Variants in SSX2IP observed in about 807,000 individuals in gnomAD.
The protein encoded by SSX2IP is afadin- and alpha-actinin-binding protein.
Under a neutral mutation model 84.9 loss-of-function variants are expected in SSX2IP, and 55 were observed. The ratio of observed to expected loss-of-function variants is 0.65; its 90% CI spans 0.52 to 0.81. SSX2IP has a LOEUF of 0.81. Ranked by LOEUF, SSX2IP falls within the 30% of genes least tolerant of loss-of-function variation. The pLI is 0.00. For missense variants in SSX2IP, 664 were observed against 705.2 expected, an observed-to-expected ratio of 0.94 and a Z score of 0.66; for synonymous variants, 239 against 234.7, an observed-to-expected ratio of 1.02 and a Z score of -0.17.
chr1:84,673,516 G>C (rs139851662), intron 1 of SSX2IP, among the ~76,000 whole-genome samples: 1 of 152,214 alleles, frequency 6.6e-6, no homozygotes, highest in Non-Finnish European at 1.5e-5. Context: ...CTTGTAGGTA[G>C]GAAAGTAGCA....
intron 1 of SSX2IP, among the ~76,000 whole-genome samples, chr1:84,677,067 AT>A (rs1219822985): frequency 6.6e-6 from 1 of 152,136 alleles, no homozygotes; most frequent in Non-Finnish European, 1.5e-5. Flanking sequence ...CTTTGTACAC[AT>A]AAATCTCTAT....
intron 2 of SSX2IP, among the ~76,000 whole-genome samples, 167 bp downstream of exon 2, chr1:84,671,010 G>T (rs1327481781): frequency 1.3e-5 from 2 of 151,922 alleles, no homozygotes; most frequent in African/African-American, 4.8e-5. Flanking sequence ...TTTCCAAAAA[G>T]ATACAAATAC....
intron 1 of SSX2IP, among the ~76,000 whole-genome samples, chr1:84,689,860 A>G (rs562568406): frequency 4.5e-4 from 69 of 152,344 alleles, no homozygotes; most frequent in African/African-American, 1.6e-3. Context: ...TTACTAGACC[A>G]CTATCGGGGT....
Position 84,655,795 on chromosome 1 carries a change from C to T in SSX2IP, c.1389+37G>A, listed in dbSNP as rs556830739. On this transcript the variant is annotated intron_variant, in intron 11 of 13. Coordinates refer to ENST00000342203, the MANE Select transcript of SSX2IP (RefSeq NM_001166293.2). ...GCATTCTACTGAGGCCCACCCACCC[C>T]CAGTATTTTCAAAAGCACTACAATT... The T allele has an allele frequency of 2.6e-5, 42 of 1,597,502 alleles. No homozygotes were observed. In the South Asian group the frequency reaches 4.3e-4, roughly 16 times the overall value.
Position 84,645,748 on chromosome 1 carries a change from C to T in SSX2IP, c.*1685G>A, listed in dbSNP as rs1223294941. The T allele has an allele frequency of 6.6e-6, 1 of 150,726 alleles. No individual in the cohort carries two copies. Among genetic ancestry groups the T allele is most frequent in the African/African-American group, 2.4e-5 (1 of 41,350 alleles). 9.3% of individuals were successfully genotyped at this position (150,726 alleles called of 1,614,324 possible). ...CAAAAACAACAAAAATCCTATATCCCAGCTAGATTTCTTCCTTTAGCATAT... is the reference window on the plus strand; with the variant it reads ...CAAAAACAACAAAAATCCTATATCCTAGCTAGATTTCTTCCTTTAGCATAT... On this transcript the variant is annotated 3_prime_UTR_variant, in exon 14 of 14. Coordinates refer to ENST00000342203, the MANE Select transcript of SSX2IP (RefSeq NM_001166293.2).
chr1:84,674,860 T>C (rs530173024), intron 1 of SSX2IP, among the ~76,000 whole-genome samples: 4 of 152,232 alleles, frequency 2.6e-5, no homozygotes, highest in African/African-American at 9.6e-5. Flanking sequence ...AATTACATGC[T>C]AGGAGACTTG....
At chr1:84,661,428 T>A (rs1022611839) in intron 8 of SSX2IP, among the ~76,000 whole-genome samples, 3 of 151,944 alleles carry the variant, frequency 2.0e-5, no homozygotes, top group Non-Finnish European at 4.4e-5. Context: ...TTTTTTAACC[T>A]CAAAAATACT....
intron 13 of SSX2IP, among the ~76,000 whole-genome samples, chr1:84,647,982 G>A (rs1308518212): frequency 6.6e-6 from 1 of 152,028 alleles, no homozygotes; most frequent in Non-Finnish European, 1.5e-5. Context: ...AATACTTATA[G>A]TAATTCGGTC....
chr1:84,666,255 T>G, intron 4 of SSX2IP, 23 bp from the exon 5 acceptor site: 2 of 1,574,586 alleles, frequency 1.3e-6, no homozygotes, highest in Non-Finnish European at 1.7e-6. Flanking sequence ...TAAGCAATTT[T>G]GCTTAAAATT....
At chr1:84,648,606 T>C (rs1038944992) in intron 13 of SSX2IP, among the ~76,000 whole-genome samples, 28 of 152,286 alleles carry the variant, frequency 1.8e-4, no homozygotes, top group Admixed American at 1.4e-3. Flanking sequence ...AAGCTAAATA[T>C]TTAAAATATA....
rs565626832 is a variant in SSX2IP at position 84,677,108 on chromosome 1, T to C, written c.-89-5800A>G. On this transcript the variant is annotated intron_variant, in intron 1 of 13. Coordinates refer to ENST00000342203, the MANE Select transcript of SSX2IP (RefSeq NM_001166293.2). The stretch of plus-strand genomic sequence containing the variant: ...CATGCACATCCAACTGAAAATAGAA[T>C]ATAATCAAAATGATTTCCACTGTTT... Among the ~76,000 whole-genome samples, 5 of 152,316 alleles carry C rather than the reference T, an allele frequency of 3.3e-5. No individual in the cohort carries two copies. The South Asian group carries it at 6.2e-4, about 19-fold the overall frequency.
intron 4 of SSX2IP, among the ~76,000 whole-genome samples, chr1:84,667,392 T>C (rs1209147367): frequency 1.3e-5 from 2 of 152,170 alleles, no homozygotes; most frequent in Admixed American, 6.6e-5. Context: ...TCTTACTTAC[T>C]ATTCCCATTA....
At chr1:84,661,116 TAAG>T (rs1294818651) in intron 8 of SSX2IP, among the ~76,000 whole-genome samples, 39 of 149,946 alleles carry the variant, frequency 2.6e-4, no homozygotes, top group Non-Finnish European at 5.0e-4. Context: ...TTTTAAATGT[TAAG>T]GAGAAAAAAA....
In SSX2IP at chr1:84,647,362, G is replaced by A; in HGVS notation, c.*71C>T. 2.2e-6 allele frequency: 3 copies of A among 1,365,098 alleles called. No homozygotes were observed. The highest frequency in any genetic ancestry group is 3.0e-6 in the Non-Finnish European group (3 of 1,013,564). 84.6% of individuals were successfully genotyped at this position (1,365,098 alleles called of 1,614,324 possible). On this transcript the variant is annotated 3_prime_UTR_variant, in exon 14 of 14. Coordinates refer to ENST00000342203, the MANE Select transcript of SSX2IP (RefSeq NM_001166293.2). The stretch of plus-strand genomic sequence containing the variant: ...AGTTATTAGAGATAACTGACTTTAT[G>A]ACACACCCTGTTTCAACTTAGATGT...
At chr1:84,690,350 A>T (rs1656456519) in intron 1 of SSX2IP, 21 bp downstream of exon 1, 1 of 143,326 alleles carries the variant, frequency 7.0e-6, no homozygotes, top group African/African-American at 2.6e-5. Context: ...ACAATCCCCG[A>T]CGCGAGGCGC....
At chr1:84,685,217 C>G (rs1302511320) in intron 1 of SSX2IP, among the ~76,000 whole-genome samples, 2 of 152,196 alleles carry the variant, frequency 1.3e-5, no homozygotes, top group Non-Finnish European at 2.9e-5. Flanking sequence ...GGTCCTTGGC[C>G]TTACTGCCAA....
At chr1:84,667,111 T>C (rs1439174126) in intron 4 of SSX2IP, among the ~76,000 whole-genome samples, 1 of 152,036 alleles carries the variant, frequency 6.6e-6, no homozygotes, top group East Asian at 1.9e-4. Context: ...TGGCATGACA[T>C]AACTTACAGG....
At chr1:84,681,953 G>T (rs1655137939) in intron 1 of SSX2IP, among the ~76,000 whole-genome samples, 2 of 152,166 alleles carry the variant, frequency 1.3e-5, no homozygotes, top group Admixed American at 1.3e-4. Context: ...GGCAAAAGTG[G>T]ACTCTCCCCC....
chr1:84,655,888 T>G lies in SSX2IP; in HGVS notation c.1333A>C (p.Asn445His). The change falls in exon 11 of 14, where the codon AAT (asparagine) becomes CAT (histidine). Residue 445 changes from asparagine to histidine, a missense_variant. Transcript: ENST00000342203. Reference sequence around the variant, plus strand: ...AAGCTTCGTCTCTCCCTCTCAAAATTCTTTTTCTGCTCTTTAAAAAGGGAC... The same window carrying G: ...AAGCTTCGTCTCTCCCTCTCAAAATGCTTTTTCTGCTCTTTAAAAAGGGAC... Reference protein sequence around the residue: ...EWSLFKEQKKNFERERRSFTE... With the variant: ...EWSLFKEQKKHFERERRSFTE... 6.2e-7 allele frequency: 1 copy of G among 1,614,008 alleles called. No individual in the cohort carries two copies.
Sources: gnomAD v4.1 joint callset for allele counts (sites outside exome capture counted in the v4.1 genomes callset) on GRCh38, gnomAD v4.1.1 for gene constraint, MANE v1.5 for transcripts, NCBI Gene and HGNC (gene_info 2026-07-23, HGNC 2026-07-21) for gene names.